The following CHD1L variants were observed in gnomAD, a reference collection of about 807,000 sequenced individuals.
The protein encoded by CHD1L is ATP-dependent chromatin remodeler CHD1L.
A neutral mutation model predicts 115.9 loss-of-function variants in CHD1L; 118 were observed. That is an observed-to-expected ratio of 1.02 (90% CI 0.88 to 1.19). The LOEUF is 1.19. CHD1L is among the 50% of genes most tolerant of loss of function. The pLI, the probability that CHD1L is intolerant of heterozygous loss-of-function variation, is 0.00. For missense variants in CHD1L, 1,179 were observed against 1,065.3 expected, an observed-to-expected ratio of 1.11 and a Z score of -1.49; for synonymous variants, 411 against 387.1, an observed-to-expected ratio of 1.06 and a Z score of -0.72.
the CHD1L span, among the ~76,000 whole-genome samples, chr1:147,216,154 C>G: frequency 1.3e-5 from 2 of 152,176 alleles, no homozygotes; most frequent in Non-Finnish European, 2.9e-5. Flanking sequence ...TGAAATGACA[C>G]TGAATGGCTT....
chr1:147,201,517 A>G, the CHD1L span: 1 of 1,594,868 alleles, frequency 6.3e-7, no homozygotes, highest in Non-Finnish European at 8.6e-7. Context: ...GTGAGTCGTG[A>G]CAAAGATCAA....
At chr1:147,288,784 C>T (rs1040974587) in intron 19 of CHD1L, among the ~76,000 whole-genome samples, 1 of 152,142 alleles carries the variant, frequency 6.6e-6, no homozygotes, top group Admixed American at 6.5e-5. Flanking sequence ...GTCAGCACAA[C>T]CTTGGGTATA....
chr1:147,252,327 G>A (rs1668655045), intron 1 of CHD1L, among the ~76,000 whole-genome samples: 1 of 152,188 alleles, frequency 6.6e-6, no homozygotes, highest in African/African-American at 2.4e-5. Context: ...ACTGGTGTGA[G>A]TCTCAGGCAG....
chr1:147,266,768 T>TA (rs1418038790), intron 8 of CHD1L, among the ~76,000 whole-genome samples: 1 of 152,168 alleles, frequency 6.6e-6, no homozygotes, highest in East Asian at 1.9e-4. Context: ...AAGTTCTCAA[T>TA]AAAAAAATGA....
At chr1:147,243,024 C>T in intron 1 of CHD1L, 194 bp downstream of exon 1, 1 of 615,992 alleles carries the variant, frequency 1.6e-6, no homozygotes, top group Non-Finnish European at 2.3e-6. Context: ...CTGCGCGGCG[C>T]GCGGGGCCGG....
chr1:147,215,975 G>C, the CHD1L span: 1 of 1,511,984 alleles, frequency 6.6e-7, no homozygotes, highest in South Asian at 1.2e-5. Context: ...ATAGCAACTT[G>C]AGGATCATCT....
intron 13 of CHD1L, among the ~76,000 whole-genome samples, 186 bp from the exon 14 acceptor site, chr1:147,275,918 G>T (rs1678252109): frequency 6.6e-6 from 1 of 152,128 alleles, no homozygotes; most frequent in Non-Finnish European, 1.5e-5. Flanking sequence ...GTCTGGAATG[G>T]TTCAGAGAGA....
In CHD1L at chr1:147,286,457, C is replaced by G; in HGVS notation, c.2178C>G (p.His726Gln). Residue 726 changes from histidine (H) to glutamine (Q), a missense_variant, in exon 18 of 23, where the codon CAC (histidine) becomes CAG (glutamine). By Grantham distance (24) the His-to-Gln change is conservative (BLOSUM62 0). Coordinates refer to ENST00000369258, the MANE Select transcript of CHD1L (RefSeq NM_004284.6). Reference protein sequence around the residue: ...SLKYVSGDVTHPQAGAEDALI... With the variant: ...SLKYVSGDVTQPQAGAEDALI... ...AGTACGTTAGTGGTGATGTCACCCA[C>G]CCTCAGGCTGGGGCCGAGGATGCTC... 1 of 1,614,112 alleles carries G rather than the reference C, an allele frequency of 6.2e-7. No homozygotes were observed. The highest frequency in any genetic ancestry group is 8.5e-7 in the Non-Finnish European group (1 of 1,180,028).
chr1:147,202,473 C>A, the CHD1L span, among the ~76,000 whole-genome samples: 1 of 151,932 alleles, frequency 6.6e-6, no homozygotes, highest in Non-Finnish European at 1.5e-5. Flanking sequence ...GCACCTGCCA[C>A]CATGCCTGGC....
At chr1:147,283,589 C>A (rs1263205764) in intron 15 of CHD1L, among the ~76,000 whole-genome samples, 1 of 152,168 alleles carries the variant, frequency 6.6e-6, no homozygotes, top group Non-Finnish European at 1.5e-5. Context: ...TTGGAAAAAT[C>A]AGACACGATT....
chr1:147,225,035 C>T, the CHD1L span: 1 of 1,475,824 alleles, frequency 6.8e-7, no homozygotes, highest in South Asian at 1.3e-5. Flanking sequence ...GTCATGGTCT[C>T]CCGAGATCTT....
At chr1:147,184,779 C>A in the CHD1L span, 1 of 1,077,014 alleles carries the variant, frequency 9.3e-7, no homozygotes, top group Non-Finnish European at 1.2e-6. The surrounding 1 kb of genome is among the most constrained non-coding windows in gnomAD (Gnocchi z 4.4). Context: ...CAGATTTCTC[C>A]ACTACAAAGT....
intron 20 of CHD1L, among the ~76,000 whole-genome samples, chr1:147,292,149 A>G (rs1260781092): frequency 6.6e-6 from 1 of 152,216 alleles, no homozygotes; most frequent in Non-Finnish European, 1.5e-5. Context: ...TTTTATCCTC[A>G]GTACCCTACA....
the CHD1L span, among the ~76,000 whole-genome samples, chr1:147,221,437 C>T: frequency 1.6e-4 from 25 of 152,152 alleles, 1 homozygote; most frequent in African/African-American, 5.3e-4. Flanking sequence ...AAATTAAAAG[C>T]TTATTTAAAC....
At position 147,295,672 on chromosome 1, in the gene CHD1L, G is replaced by T; in HGVS notation, c.*163G>T. Reference sequence around the variant, plus strand: ...CTCCTGGATGTTTTGCTCTGTTTTGGTACCTGTAATATAGGGAAACACAAC... The same window carrying T: ...CTCCTGGATGTTTTGCTCTGTTTTGTTACCTGTAATATAGGGAAACACAAC... On this transcript the variant is annotated 3_prime_UTR_variant, in exon 23 of 23. Coordinates refer to ENST00000369258, the MANE Select transcript of CHD1L (RefSeq NM_004284.6). 1.7e-6 allele frequency: 1 copy of T among 594,534 alleles called. No individual in the cohort carries two copies. Among genetic ancestry groups the T allele is most frequent in the Non-Finnish European group, 2.9e-6 (1 of 348,848 alleles). The allele number at this position is 594,534 out of a possible 1,614,324, so 36.8% of individuals were successfully genotyped here. A position where few individuals can be genotyped will look rare whatever the true frequency, so the allele number is the denominator to read the frequency against.
In CHD1L at chr1:147,295,683, A is replaced by G. The variant is rs587774988; in HGVS notation, c.*174A>G. 1.1e-4 allele frequency: 62 copies of G among 540,078 alleles called. 1 individual carries two copies. In the South Asian group the frequency reaches 1.6e-3, roughly 14 times the overall value. The allele number at this position is 540,078 out of a possible 1,614,324, so 33.5% of individuals were successfully genotyped here. A position where few individuals can be genotyped will look rare whatever the true frequency, so the allele number is the denominator to read the frequency against. Reference sequence around the variant, plus strand: ...TTTGCTCTGTTTTGGTACCTGTAATATAGGGAAACACAACTTTTTTTGGGA... The same window carrying G: ...TTTGCTCTGTTTTGGTACCTGTAATGTAGGGAAACACAACTTTTTTTGGGA... On this transcript the variant is annotated 3_prime_UTR_variant, in exon 23 of 23. Transcript: ENST00000369258.
chr1:147,263,300 A>T (rs1672639941), intron 6 of CHD1L, among the ~76,000 whole-genome samples: 1 of 151,588 alleles, frequency 6.6e-6, no homozygotes, highest in South Asian at 2.1e-4. Flanking sequence ...TGTGGTGGTG[A>T]GTGTGTGTAG....
At chr1:147,203,808 C>G in the CHD1L span, 1 of 1,551,488 alleles carries the variant, frequency 6.4e-7, no homozygotes, top group Non-Finnish European at 8.9e-7. Context: ...CCCCGAAGTA[C>G]TATGGTAGAA....
chr1:147,292,992 AAAG>A (rs1287657964), intron 20 of CHD1L, among the ~76,000 whole-genome samples: 2 of 145,354 alleles, frequency 1.4e-5, no homozygotes, highest in South Asian at 2.3e-4. Context: ...AAATGCTAAA[AAAG>A]GAGAAAAGTA....
Sources: gnomAD v4.1 joint callset for allele counts (sites outside exome capture counted in the v4.1 genomes callset) on GRCh38, gnomAD v4.1.1 for gene constraint, Gnocchi (gnomAD v3.1) non-coding constraint, MANE v1.5 for transcripts, NCBI Gene and HGNC (gene_info 2026-07-23, HGNC 2026-07-21) for gene names.